Variants in PRUNE2 observed in about 807,000 individuals in gnomAD.
The protein encoded by PRUNE2 is prune homolog 2 with BCH domain.
A neutral mutation model predicts 252.0 loss-of-function variants in PRUNE2; 164 were observed. The ratio of observed to expected loss-of-function variants is 0.65; its 90% CI spans 0.57 to 0.74. The LOEUF is 0.74. PRUNE2 is among the 30% of genes least tolerant of loss of function. The pLI, the probability that PRUNE2 is intolerant of heterozygous loss-of-function variation, is 0.00. For missense variants in PRUNE2, 3,495 were observed against 3,711.0 expected (o/e 0.94, Z 1.51); for synonymous variants, 1,292 against 1,350.2 (o/e 0.96, Z 0.94).
intron 1 of PRUNE2, among the ~76,000 whole-genome samples, chr9:76,885,623 C>T (rs1291014475): frequency 6.6e-6 from 1 of 152,154 alleles, no homozygotes; most frequent in Non-Finnish European, 1.5e-5. Context: ...AGAGCGGCAA[C>T]CCCCGGTGAC....
Position 76,611,559 on chromosome 9 carries a change from A to C in PRUNE2, c.*3011T>G, listed in dbSNP as rs1275205144. The C allele has an allele frequency of 6.6e-6, 1 of 152,516 alleles. No individual in the cohort carries two copies. The highest frequency in any genetic ancestry group is 2.1e-4 in the South Asian group (1 of 4,826). 9.4% of individuals were successfully genotyped at this position (152,516 alleles called of 1,614,324 possible). A position where few individuals can be genotyped will look rare whatever the true frequency, so the allele number is the denominator to read the frequency against. ...AAAACCTTTAGATATATAAAAGATT[A>C]ATTTGTGCACATCTAAATGTTTCTA... On this transcript the variant is annotated 3_prime_UTR_variant, in exon 19 of 19. Coordinates refer to ENST00000376718, the MANE Select transcript of PRUNE2 (RefSeq NM_015225.3).
At chr9:76,733,503 G>A (rs1287757082) in intron 6 of PRUNE2, 3 of 152,064 alleles carry the variant, frequency 2.0e-5, no homozygotes, top group African/African-American at 7.2e-5. Flanking sequence ...TGACCCTCTG[G>A]GCCCCAGTGG....
intron 12 of PRUNE2, among the ~76,000 whole-genome samples, chr9:76,644,005 AG>A (rs1165871446): frequency 1.3e-5 from 2 of 152,180 alleles, no homozygotes; most frequent in Non-Finnish European, 2.9e-5. Context: ...GAAGGCACGC[AG>A]CAGAAGAATC....
At chr9:76,650,653 T>C (rs1187962788) in intron 11 of PRUNE2, among the ~76,000 whole-genome samples, 2 of 152,212 alleles carry the variant, frequency 1.3e-5, no homozygotes, top group Non-Finnish European at 2.9e-5. Flanking sequence ...AAGGTAGATT[T>C]AAAAATTCAA....
chr9:76,711,496 T>C, intron 7 of PRUNE2, 138 bp from the exon 8 acceptor site: 1 of 628,524 alleles, frequency 1.6e-6, no homozygotes, highest in Non-Finnish European at 2.7e-6. Context: ...GATCTCAAAC[T>C]TAGAAAGTTC....
chr9:76,711,144 G>C lies in PRUNE2; in HGVS notation c.1130C>G (p.Pro377Arg). ...AATCCCAGAAGACCCCTGGGAGAGG[G>C]GGGCACTGCCTGCCACGGCTTCTGT... is the stretch of plus-strand genomic sequence containing the variant. ...SSTEAVAGSA[P>R]LSQGSSGIME... Residue 377 changes from proline (P) to arginine (R), a missense_variant, in exon 8 of 19, where the codon CCC (proline) becomes CGC (arginine). Physicochemically the swap from Pro to Arg is moderately radical, Grantham distance 103. Coordinates refer to ENST00000376718, the MANE Select transcript of PRUNE2 (RefSeq NM_015225.3). 1 of 1,613,958 alleles carries C rather than the reference G, an allele frequency of 6.2e-7. No individual in the cohort carries two copies. Among genetic ancestry groups the C allele is most frequent in the Non-Finnish European group, 8.5e-7 (1 of 1,179,866 alleles).
intron 1 of PRUNE2, among the ~76,000 whole-genome samples, chr9:76,895,037 A>C (rs1488896268): frequency 1.3e-5 from 2 of 152,152 alleles, no homozygotes; most frequent in African/African-American, 4.8e-5. Flanking sequence ...AAAATAAAAA[A>C]AAGGGACCTT....
Position 76,705,906 on chromosome 9 carries a change from G to A in PRUNE2, c.6368C>T (p.Ala2123Val). 1 of 1,613,938 alleles carries A rather than the reference G, an allele frequency of 6.2e-7. No individual in the cohort carries two copies. Among genetic ancestry groups the A allele is most frequent in the African/African-American group, 1.3e-5 (1 of 75,050 alleles). Residue 2123 changes from alanine to valine, a missense_variant, in exon 8 of 19, where the codon GCT (alanine) becomes GTT (valine). Physicochemically the swap from Ala to Val is moderately conservative, Grantham distance 64 (BLOSUM62 0). Transcript: ENST00000376718. ...AKQETEKHLS[A>V]CMGPEVESSE... ...GGATTCCACTTCAGGTCCCATGCAA[G>A]CACTGAGGTGCTTCTCAGTCTCTTG...
chr9:76,711,691 G>C, intron 7 of PRUNE2, among the ~76,000 whole-genome samples: 1 of 152,142 alleles, frequency 6.6e-6, no homozygotes, highest in Non-Finnish European at 1.5e-5. Flanking sequence ...TTGCAAAAAA[G>C]CAGAGATAAT....
chr9:76,867,106 A>G (rs1264331336), intron 1 of PRUNE2, among the ~76,000 whole-genome samples: 1 of 152,208 alleles, frequency 6.6e-6, no homozygotes, highest in Non-Finnish European at 1.5e-5. Context: ...GGCTGAGATT[A>G]GAGTAGCAAA....
chr9:76,756,852 G>GC (rs922984384), intron 6 of PRUNE2, among the ~76,000 whole-genome samples: 3 of 103,944 alleles, frequency 2.9e-5, no homozygotes, highest in Admixed American at 1.2e-4. Flanking sequence ...CCCGTGCCCT[G>GC]CCCCCCCGTG....
intron 9 of PRUNE2, among the ~76,000 whole-genome samples, chr9:76,697,671 A>G (rs928800728): frequency 2.0e-5 from 3 of 152,224 alleles, no homozygotes; most frequent in African/African-American, 7.2e-5. Context: ...GAAGCAGCTC[A>G]AGAGAAATGC....
chr9:76,727,193 C>T (rs915006683), intron 6 of PRUNE2, among the ~76,000 whole-genome samples: 2 of 152,118 alleles, frequency 1.3e-5, no homozygotes, highest in African/African-American at 4.8e-5. Context: ...CTAAATATGT[C>T]CCCTGTGGGG....
In PRUNE2 at chr9:76,693,904, G is replaced by A. The variant is rs2045093120; in HGVS notation, c.8276+9433C>T. On this transcript the variant is annotated intron_variant, in intron 9 of 18. Coordinates refer to ENST00000376718, the MANE Select transcript of PRUNE2 (RefSeq NM_015225.3). ...TTCAGCTATGAAGGAGACGGGGGTG[G>A]GGCCCACAGGAAGGTGTCACTTTGC... Among the ~76,000 whole-genome samples, 3 of 152,162 alleles carry A rather than the reference G, an allele frequency of 2.0e-5. No homozygotes were observed. The South Asian group carries it at 6.2e-4, about 32-fold the overall frequency.
At chr9:76,615,163 G>A in intron 18 of PRUNE2, 1 of 985,420 alleles carries the variant, frequency 1.0e-6, no homozygotes, top group East Asian at 1.1e-4. Flanking sequence ...GGGTTCCCAA[G>A]TATCTGAGGA....
At chr9:76,691,886 C>G in intron 9 of PRUNE2, 1 of 584,016 alleles carries the variant, frequency 1.7e-6, no homozygotes, top group South Asian at 2.1e-5. Flanking sequence ...TGAGTGGATA[C>G]GGAATAAAAT....
In PRUNE2 at chr9:76,710,250, T is replaced by C. The variant is rs769617730; in HGVS notation, c.2024A>G (p.Glu675Gly). ...KNIADAWSSSEQESVFQSPES... is the reference protein window; with the variant it reads ...KNIADAWSSSGQESVFQSPES... ...AGGGCTCTGGAAAACAGATTCCTGT[T>C]CACTGGAACTCCACGCATCTGCAAT... Residue 675 changes from glutamate to glycine, a missense_variant, in exon 8 of 19, where the codon GAA (glutamate) becomes GGA (glycine). By Grantham distance (98) the Glu-to-Gly change is moderately conservative. Transcript: ENST00000376718. 6.2e-7 allele frequency: 1 copy of C among 1,613,966 alleles called. No homozygotes were observed.
At chr9:76,748,417 G>C (rs987558487) in intron 6 of PRUNE2, among the ~76,000 whole-genome samples, 5 of 152,188 alleles carry the variant, frequency 3.3e-5, no homozygotes, top group Non-Finnish European at 7.3e-5. Context: ...GTTATGACCA[G>C]AGGAGAGGCA....
At chr9:76,793,455 G>A (rs1038903294) in intron 6 of PRUNE2, among the ~76,000 whole-genome samples, 21 of 152,148 alleles carry the variant, frequency 1.4e-4, no homozygotes, top group Admixed American at 1.0e-3. Context: ...GCTAAGCTAA[G>A]GTCCATTATG....
Sources: allele counts gnomAD v4.1 joint callset (sites outside exome capture counted in the v4.1 genomes callset), GRCh38; gene constraint gnomAD v4.1.1; transcripts MANE v1.5; gene names NCBI Gene and HGNC (gene_info 2026-07-23, HGNC 2026-07-21).